Variants in MIER1 observed in about 807,000 individuals in gnomAD.
MIER1 encodes MIER1 transcriptional regulator.
Under a neutral mutation model 75.7 loss-of-function variants are expected in MIER1, and 40 were observed. The observed-to-expected ratio is 0.53, with a 90% CI of 0.41 to 0.69. MIER1 has a LOEUF of 0.69. Ranked by LOEUF, MIER1 falls within the 30% of genes least tolerant of loss-of-function variation. The probability of loss-of-function intolerance (pLI) is 0.00; values close to 1 mark genes in which losing one functional copy is unlikely to be tolerated. For missense variants in MIER1, 574 were observed against 680.2 expected (o/e 0.84, Z 1.74); for synonymous variants, 213 against 223.4 (o/e 0.95, Z 0.42).
rs79902240 is a variant in MIER1, at chr1:66,943,633, T to A, written c.194-2517T>A. Among the ~76,000 whole-genome samples, 570 of 152,242 alleles carry A rather than the reference T, an allele frequency of 3.7e-3. 4 individuals carry two copies. Among genetic ancestry groups the A allele is most frequent in the African/African-American group, 0.013 (550 of 41,528 alleles). On this transcript the variant is annotated intron_variant, in intron 3 of 13. Transcript: ENST00000401041. The stretch of plus-strand genomic sequence containing the variant: ...TGAGGTCTCACTGTGTTGCCCAGGC[T>A]TGTCCTGAACCCCTGAGCTCAAGCA...
Position 66,970,891 on chromosome 1 carries a change from A to C in MIER1, c.856A>C (p.Arg286=), listed in dbSNP as rs925570233. 1.2e-6 allele frequency: 2 copies of C among 1,600,980 alleles called. No homozygotes were observed. The highest frequency in any genetic ancestry group is 1.3e-5 in the African/African-American group (1 of 74,124). ...KVIIFLKDAS[R]RTGDEKGVEA... is the part of the protein sequence containing the mutation. ...GATTATATTTCTTAAAGATGCATCT[A>C]GAAGAACAGGTGATGAGAAGGGTGT... The change falls in exon 9 of 14, where the codon AGA becomes CGA. Residue 286 remains arginine (R), a synonymous_variant. Coordinates refer to ENST00000401041, the MANE Select transcript of MIER1 (RefSeq NM_001077700.3).
chr1:66,952,198 G>A (rs372903576), intron 4 of MIER1, among the ~76,000 whole-genome samples: 2 of 151,880 alleles, frequency 1.3e-5, no homozygotes, highest in African/African-American at 2.4e-5. Context: ...TAACACTTAC[G>A]TGAATGGGAA....
At position 66,986,261 on chromosome 1, in the gene MIER1, A is replaced by C; in HGVS notation, c.*1361A>C. ...GCTCTGTGTGATTACAGATAGGATT[A>C]TCCATCTGCATAGCCTTGTAAAAGT... On this transcript the variant is annotated 3_prime_UTR_variant, in exon 14 of 14. Coordinates refer to ENST00000401041, the MANE Select transcript of MIER1 (RefSeq NM_001077700.3). 7.2e-7 allele frequency: 1 copy of C among 1,395,578 alleles called. No individual in the cohort carries two copies. 86.4% of individuals were successfully genotyped at this position (1,395,578 alleles called of 1,614,324 possible). A position where few individuals can be genotyped will look rare whatever the true frequency, so the allele number is the denominator to read the frequency against.
chr1:66,985,658 C>T lies in MIER1; in HGVS notation c.*758C>T, dbSNP rs1378100628. On this transcript the variant is annotated 3_prime_UTR_variant, in exon 14 of 14. Coordinates refer to ENST00000401041, the MANE Select transcript of MIER1 (RefSeq NM_001077700.3). ...GCGTGTATAATTTTCTTAACTTGTACAGTTGGTAAACTTTTATGAGAGGAA... is the reference window on the plus strand; with the variant it reads ...GCGTGTATAATTTTCTTAACTTGTATAGTTGGTAAACTTTTATGAGAGGAA... 6.1e-6 allele frequency: 6 copies of T among 984,716 alleles called. No homozygotes were observed. In the African/African-American group the frequency reaches 7.0e-5, roughly 11 times the overall value. The allele number at this position is 984,716 out of a possible 1,614,324, so 61.0% of individuals were successfully genotyped here. A position where few individuals can be genotyped will look rare whatever the true frequency, so the allele number is the denominator to read the frequency against.
chr1:66,954,029 G>A (rs1659582052), intron 4 of MIER1, among the ~76,000 whole-genome samples: 1 of 152,160 alleles, frequency 6.6e-6, no homozygotes. Context: ...TTGGGTACAA[G>A]GAATATATGG....
In MIER1 at chr1:66,986,020, CA is replaced by C; in HGVS notation, c.*1121del. On this transcript the variant is annotated 3_prime_UTR_variant, in exon 14 of 14. Coordinates refer to ENST00000401041, the MANE Select transcript of MIER1 (RefSeq NM_001077700.3). ...AGAATCCTGTTATTTTTATATGCATCATAAAATTTCCCATTTCTGCATTAAA... is the reference window on the plus strand; with the variant it reads ...AGAATCCTGTTATTTTTATATGCATCTAAAATTTCCCATTTCTGCATTAAA... 1 of 992,660 alleles carries C rather than the reference CA, an allele frequency of 1.0e-6. No homozygotes were observed. Among genetic ancestry groups the C allele is most frequent in the Non-Finnish European group, 1.2e-6 (1 of 834,754 alleles). 61.5% of individuals were successfully genotyped at this position (992,660 alleles called of 1,614,324 possible). A position where few individuals can be genotyped will look rare whatever the true frequency, so the allele number is the denominator to read the frequency against.
intron 1 of MIER1, chr1:66,925,382 G>C (rs1203043137): frequency 1.0e-6 from 1 of 985,468 alleles, no homozygotes; most frequent in East Asian, 1.1e-4. Flanking sequence ...CCGCTGCGGA[G>C]TGAGTTCGCC....
At chr1:66,949,242 T>C (rs1658367840) in intron 4 of MIER1, among the ~76,000 whole-genome samples, 1 of 152,168 alleles carries the variant, frequency 6.6e-6, no homozygotes, top group Admixed American at 6.5e-5. Flanking sequence ...TAAGTAGTTT[T>C]CATAATGGGT....
At position 66,970,831 on chromosome 1, in the gene MIER1, C is replaced by T. The variant is rs1157352982; in HGVS notation, c.796C>T (p.Leu266=). The T allele has an allele frequency of 6.4e-7, 1 of 1,569,462 alleles. No individual in the cohort carries two copies. The highest frequency in any genetic ancestry group is 2.3e-5 in the East Asian group (1 of 43,622). ...EKVYENDDQL[L]WDPEYLPEDK... The stretch of plus-strand genomic sequence containing the variant: ...AGTATATGAAAATGATGATCAGCTC[C>T]TGTGGGACCCTGAGTACTTACCAGA... Residue 266 remains leucine, a synonymous_variant, in exon 9 of 14, where the codon CTG becomes TTG. Coordinates refer to ENST00000401041, the MANE Select transcript of MIER1 (RefSeq NM_001077700.3).
At chr1:66,971,545 T>A (rs745950341) in intron 9 of MIER1, 110 bp from the exon 10 acceptor site, 1 of 614,020 alleles carries the variant, frequency 1.6e-6, no homozygotes, top group East Asian at 2.9e-5. Context: ...ACTAAAGTTA[T>A]TTGCCCTCAA....
chr1:66,959,113 G>T (rs1660732770), intron 6 of MIER1, 130 bp downstream of exon 6: 2 of 769,730 alleles, frequency 2.6e-6, no homozygotes, highest in Admixed American at 2.6e-5. Context: ...AATGGATTTT[G>T]TTGTAAGTTA....
At chr1:66,964,234 G>T (rs900278429) in intron 8 of MIER1, among the ~76,000 whole-genome samples, 1 of 151,224 alleles carries the variant, frequency 6.6e-6, no homozygotes, top group Admixed American at 6.6e-5. Context: ...ACCACGCCCA[G>T]CTAATTTTTT....
At chr1:66,936,646 A>G (rs1654915292) in intron 2 of MIER1, among the ~76,000 whole-genome samples, 1 of 152,134 alleles carries the variant, frequency 6.6e-6, no homozygotes, top group African/African-American at 2.4e-5. Flanking sequence ...GATAAGTCTG[A>G]CATGACAGAT....
chr1:66,972,247 TATATATATATATATAG>T (rs1418877491), intron 10 of MIER1, among the ~76,000 whole-genome samples: 9 of 88,786 alleles, frequency 1.0e-4, no homozygotes, highest in African/African-American at 5.9e-4. Context: ...TATATATATA[TATATATATATATATAG>T]ATATGTAACA....
intron 4 of MIER1, chr1:66,947,892 T>A: frequency 1.0e-6 from 1 of 982,798 alleles, no homozygotes; most frequent in Non-Finnish European, 1.2e-6. Context: ...ATTCTCACTC[T>A]CTGGTATATG....
At chr1:66,970,281 A>G (rs1663335908) in intron 8 of MIER1, among the ~76,000 whole-genome samples, 1 of 152,220 alleles carries the variant, frequency 6.6e-6, no homozygotes, top group Non-Finnish European at 1.5e-5. Context: ...CAGAAAACAT[A>G]AAGTAAAATT....
At position 66,986,523 on chromosome 1, in the gene MIER1, T is replaced by A; in HGVS notation, c.*1623T>A. 1 of 1,359,568 alleles carries A rather than the reference T, an allele frequency of 7.4e-7. No individual in the cohort carries two copies. The highest frequency in any genetic ancestry group is 1.0e-6 in the Non-Finnish European group (1 of 960,824). 84.2% of individuals were successfully genotyped at this position (1,359,568 alleles called of 1,614,324 possible). On this transcript the variant is annotated 3_prime_UTR_variant, in exon 14 of 14. Coordinates refer to ENST00000401041, the MANE Select transcript of MIER1 (RefSeq NM_001077700.3). Reference sequence around the variant, plus strand: ...GGCTCAACTGTCTGATGTAATTGAGTGAAGGTTTGCACTGAGAAATTAGCA... The same window carrying A: ...GGCTCAACTGTCTGATGTAATTGAGAGAAGGTTTGCACTGAGAAATTAGCA...
chr1:66,937,588 AAAAAG>A (rs57109659), intron 2 of MIER1, among the ~76,000 whole-genome samples: 10,320 of 151,996 alleles, frequency 0.068, 1,119 homozygotes, highest in African/African-American at 0.23. Context: ...CCATCTCAAA[AAAAAG>A]AAAAGAAAAG....
chr1:66,954,519 A>G (rs992207602), intron 4 of MIER1, among the ~76,000 whole-genome samples: 5 of 152,078 alleles, frequency 3.3e-5, no homozygotes, highest in Admixed American at 2.6e-4. Flanking sequence ...TCTGTACCAT[A>G]CATTTGTCAT....
Sources: gnomAD v4.1 joint callset for allele counts (sites outside exome capture counted in the v4.1 genomes callset) on GRCh38, gnomAD v4.1.1 for gene constraint, MANE v1.5 for transcripts, NCBI Gene and HGNC (gene_info 2026-07-23, HGNC 2026-07-21) for gene names.